Variants in SCNN1B observed in about 807,000 individuals in gnomAD.
SCNN1B encodes epithelial sodium channel subunit beta.
A neutral mutation model predicts 65.3 loss-of-function variants in SCNN1B; 46 were observed. The ratio of observed to expected loss-of-function variants is 0.70; its 90% CI spans 0.56 to 0.90. The LOEUF (loss-of-function observed/expected upper bound fraction) is 0.90, where lower values mean the gene tolerates loss of function less well. Among genes scored for constraint, SCNN1B ranks in the 40% least tolerant of loss-of-function variants. The pLI is 0.00. For synonymous variants in SCNN1B, 349 were observed against 330.6 expected, an observed-to-expected ratio of 1.06 and a Z score of -0.60; for missense variants, 751 against 830.5, an observed-to-expected ratio of 0.90 and a Z score of 1.18.
At chr16:23,297,616 A>G (rs1961016606), upstream of SCNN1B, among the ~76,000 whole-genome samples, 1 of 152,210 alleles carries the variant, frequency 6.6e-6, no homozygotes, top group African/African-American at 2.4e-5. Flanking sequence ...AACAACTCCC[A>G]AGCCAGCAAA....
At chr16:23,280,072 G>C (rs960334549) in intron 1 of SCNN1B, among the ~76,000 whole-genome samples, 4 of 152,092 alleles carry the variant, frequency 2.6e-5, no homozygotes, top group Non-Finnish European at 5.9e-5. Flanking sequence ...GTGGTCATGC[G>C]CAGTTAACAA....
chr16:23,280,499 G>C (rs1268656160), intron 1 of SCNN1B, among the ~76,000 whole-genome samples: 1 of 152,138 alleles, frequency 6.6e-6, no homozygotes, highest in South Asian at 2.1e-4. Flanking sequence ...GATTATAGGC[G>C]TGAGCCACCA....
chr16:23,333,162 G>T, intron 1 of SCNN1B, among the ~76,000 whole-genome samples: 1 of 125,384 alleles, frequency 8.0e-6, no homozygotes, highest in African/African-American at 3.1e-5. Flanking sequence ...AGGAAGGAAG[G>T]AAGGAAGGAA....
At chr16:23,363,630 T>C (rs1399641108) in intron 4 of SCNN1B, among the ~76,000 whole-genome samples, 2 of 151,540 alleles carry the variant, frequency 1.3e-5, no homozygotes, top group African/African-American at 4.9e-5. Context: ...CTGGGCAACA[T>C]AGCAAGACCC....
At chr16:23,365,611 A>AAG (rs1483991687) in intron 4 of SCNN1B, among the ~76,000 whole-genome samples, 5,019 of 67,446 alleles carry the variant, frequency 0.074, 268 homozygotes, top group Middle Eastern at 0.11. Context: ...GAAAGAAAGA[A>AAG]AGAAAGAAAA....
chr16:23,327,209 G>T (rs1961715164), intron 1 of SCNN1B, among the ~76,000 whole-genome samples: 1 of 152,068 alleles, frequency 6.6e-6, no homozygotes, highest in African/African-American at 2.4e-5. Context: ...GAGCCACCAT[G>T]CCTGGCCTAA....
intron 2 of SCNN1B, among the ~76,000 whole-genome samples, chr16:23,349,119 T>C (rs1962254883): frequency 6.6e-6 from 1 of 152,042 alleles, no homozygotes; most frequent in Non-Finnish European, 1.5e-5. Context: ...CTTTCCTTCC[T>C]TCTTTCTCTT....
rs572149790 is a variant in SCNN1B at position 23,307,427 on chromosome 16, C to G, written c.-9+4990C>G. Reference sequence around the variant, plus strand: ...CTCCACTTCCCGGGTTCAAGTGATGCTCCTGCCTCAGCCTCCCAAGTAGCT... The same window carrying G: ...CTCCACTTCCCGGGTTCAAGTGATGGTCCTGCCTCAGCCTCCCAAGTAGCT... On this transcript the variant is annotated intron_variant, in intron 1 of 12. Coordinates refer to ENST00000343070, the MANE Select transcript of SCNN1B (RefSeq NM_000336.3). Among the ~76,000 whole-genome samples, 6 of 151,128 alleles carry G rather than the reference C, an allele frequency of 4.0e-5. No homozygotes were observed. In the South Asian group the frequency reaches 1.3e-3, roughly 32 times the overall value.
chr16:23,325,916 A>C (rs1236274410), intron 1 of SCNN1B, among the ~76,000 whole-genome samples: 1 of 127,364 alleles, frequency 7.9e-6, no homozygotes, highest in Non-Finnish European at 1.6e-5. Flanking sequence ...TAAATAAATA[A>C]ATAAATATAA....
chr16:23,357,925 C>T (rs527601559), intron 4 of SCNN1B, among the ~76,000 whole-genome samples: 1 of 152,354 alleles, frequency 6.6e-6, no homozygotes, highest in South Asian at 2.1e-4. Flanking sequence ...TCATCTCACC[C>T]GCTCAGCTGA....
chr16:23,293,071 C>T lies in SCNN1B; in HGVS notation n.178+9267C>T, dbSNP rs907899114. Among the ~76,000 whole-genome samples the T allele has an allele frequency of 2.2e-4, 30 of 136,572 alleles. 1 individual carries two copies. The highest frequency in any genetic ancestry group is 5.5e-5 in the African/African-American group (2 of 36,482). 89.6% of individuals were successfully genotyped at this position (136,572 alleles called of 152,430 possible). On this transcript the variant is annotated intron_variant and non_coding_transcript_variant, in intron 2 of 3. Coordinates refer to the SCNN1B transcript ENST00000569789. ...TGAAGTTTGCAGCGAGCCGAGACTG[C>T]GCCACTGTACTCCAGTCTGGGCAAT...
At chr16:23,291,475 A>AGTGT (rs71858801) in intron 2 of SCNN1B, among the ~76,000 whole-genome samples, 2,187 of 145,534 alleles carry the variant, frequency 0.015, 49 homozygotes, top group African/African-American at 0.049. Context: ...TGTGTGTGTA[A>AGTGT]GTGTGTGTGT....
chr16:23,315,386 C>T (rs1961432375), intron 1 of SCNN1B, among the ~76,000 whole-genome samples: 1 of 152,026 alleles, frequency 6.6e-6, no homozygotes, highest in Non-Finnish European at 1.5e-5. Flanking sequence ...CTGATTCATG[C>T]CTTCCACCTG....
chr16:23,293,213 C>T (rs992883492), intron 2 of SCNN1B, among the ~76,000 whole-genome samples: 7 of 150,382 alleles, frequency 4.7e-5, no homozygotes, highest in African/African-American at 1.2e-4. Flanking sequence ...AGTGAACACC[C>T]ATACTCATAG....
intron 1 of SCNN1B, among the ~76,000 whole-genome samples, chr16:23,319,043 T>G (rs2141992561): frequency 8.4e-6 from 1 of 119,542 alleles, no homozygotes; most frequent in South Asian, 2.7e-4. Flanking sequence ...TTTGTTTGTT[T>G]TGTTTTTTTT....
intron 2 of SCNN1B, among the ~76,000 whole-genome samples, chr16:23,351,382 A>C (rs1962305643): frequency 6.6e-6 from 1 of 152,214 alleles, no homozygotes; most frequent in African/African-American, 2.4e-5. Flanking sequence ...GTGGCATGCC[A>C]GGATTCAAAC....
At chr16:23,357,769 A>T (rs152740) in intron 4 of SCNN1B, among the ~76,000 whole-genome samples, 68,010 of 151,982 alleles carry the variant, frequency 0.45, 16,654 homozygotes, top group East Asian at 0.8. Context: ...CTCTTCCTTG[A>T]GGGCCACCCC....
At chr16:23,326,157 T>G (rs1056096648) in intron 1 of SCNN1B, among the ~76,000 whole-genome samples, 2 of 151,990 alleles carry the variant, frequency 1.3e-5, no homozygotes, top group Non-Finnish European at 2.9e-5. Flanking sequence ...CAACTATCTT[T>G]GCCTAACAAT....
intron 1 of SCNN1B, among the ~76,000 whole-genome samples, chr16:23,344,228 T>C (rs1962138471): frequency 6.6e-6 from 1 of 152,242 alleles, no homozygotes; most frequent in African/African-American, 2.4e-5. Flanking sequence ...AAACAGAATG[T>C]TACCCATTCT....
Sources: gnomAD v4.1 joint callset for allele counts (sites outside exome capture counted in the v4.1 genomes callset) on GRCh38, gnomAD v4.1.1 for gene constraint, MANE v1.5 for transcripts, NCBI Gene and HGNC (gene_info 2026-07-23, HGNC 2026-07-21) for gene names.